WFDC8: variants seen among roughly 807,000 people sequenced by gnomAD.
The protein encoded by WFDC8 is WAP four-disulfide core domain protein 8.
In WFDC8, 24 loss-of-function variants were observed where a neutral mutation model predicts 27.0. That is an observed-to-expected ratio of 0.89 (90% CI 0.64 to 1.25). WFDC8 has a LOEUF of 1.25. Among genes scored for constraint, WFDC8 ranks in the 50% most tolerant of loss-of-function variants. The pLI, the probability that WFDC8 is intolerant of heterozygous loss-of-function variation, is 0.00. For synonymous variants in WFDC8, 106 were observed against 99.7 expected (o/e 1.06, Z -0.38); for missense variants, 287 against 295.9 (o/e 0.97, Z 0.22).
intron 4 of WFDC8, among the ~76,000 whole-genome samples, chr20:45,553,673 T>A (rs1354327138): frequency 6.6e-6 from 1 of 152,042 alleles, no homozygotes; most frequent in Non-Finnish European, 1.5e-5. Context: ...TTTGAAAGGG[T>A]CATTGTGACT....
chr20:45,574,454 T>TC (rs200715933), intron 1 of WFDC8, among the ~76,000 whole-genome samples: 2,087 of 146,766 alleles, frequency 0.014, 87 homozygotes, highest in Admixed American at 0.099. Context: ...GCAAAAATTC[T>TC]CAAAAAAAAA....
chr20:45,572,763 T>C (rs1980913864), intron 1 of WFDC8, among the ~76,000 whole-genome samples: 1 of 152,186 alleles, frequency 6.6e-6, no homozygotes, highest in Admixed American at 6.5e-5. Flanking sequence ...TGCGCCATCA[T>C]GCCCAGCTAA....
intron 1 of WFDC8, chr20:45,568,356 T>C (rs1980754039): frequency 8.2e-6 from 2 of 243,188 alleles, no homozygotes; most frequent in Admixed American, 4.6e-5. Flanking sequence ...CACTGTTATT[T>C]TTTTCTTGTA....
rs1980564756 is a variant in WFDC8, at chr20:45,564,205, AGACCTGGAATACTAGGAC to A, written c.27-2004_27-1987del. Among the ~76,000 whole-genome samples, 5 of 139,730 alleles carry A rather than the reference AGACCTGGAATACTAGGAC, an allele frequency of 3.6e-5. No individual in the cohort carries two copies. In the Admixed American group the frequency reaches 4.1e-4, roughly 11 times the overall value. 91.7% of individuals were successfully genotyped at this position (139,730 alleles called of 152,430 possible). On this transcript the variant is annotated intron_variant, in intron 1 of 5. Transcript: ENST00000289953. ...AGTGGGGGCTCTGAAGAACTAGGACAGACCTGGAATACTAGGACAGACCTGGAATACTAGGACAGACCT... is the reference window on the plus strand; with the variant it reads ...AGTGGGGGCTCTGAAGAACTAGGACAAGACCTGGAATACTAGGACAGACCT...
At chr20:45,570,086 C>A (rs532223830) in intron 1 of WFDC8, among the ~76,000 whole-genome samples, 1 of 152,130 alleles carries the variant, frequency 6.6e-6, no homozygotes, top group East Asian at 1.9e-4. Context: ...CTAATGAGTA[C>A]TAGGCTTAAT....
At chr20:45,564,640 A>C (rs1980583151) in intron 1 of WFDC8, among the ~76,000 whole-genome samples, 1 of 149,056 alleles carries the variant, frequency 6.7e-6, no homozygotes, top group Non-Finnish European at 1.5e-5. Context: ...CCGCCACTGC[A>C]CTCCAGCCTG....
At chr20:45,573,921 CT>C (rs1480130730) in intron 1 of WFDC8, among the ~76,000 whole-genome samples, 1 of 152,082 alleles carries the variant, frequency 6.6e-6, no homozygotes, top group Non-Finnish European at 1.5e-5. Context: ...ATTGCTACAG[CT>C]TTGTAGTATA....
chr20:45,560,094 A>C (rs1600890259), intron 2 of WFDC8, among the ~76,000 whole-genome samples: 2 of 152,202 alleles, frequency 1.3e-5, no homozygotes, highest in Non-Finnish European at 2.9e-5. Flanking sequence ...TCTGGCCCAG[A>C]CCTAGTCAAT....
chr20:45,555,242 A>G lies in WFDC8; in HGVS notation c.445+459T>C, dbSNP rs948649841. ...CTGGTGATGATCATTATACTAAGGA[A>G]TGAATCCACAGCCTTCACCTTCACC... is the stretch of plus-strand genomic sequence containing the variant. On this transcript the variant is annotated intron_variant, in intron 4 of 5. Coordinates refer to ENST00000289953, the MANE Select transcript of WFDC8 (RefSeq NM_130896.3). Among the ~76,000 whole-genome samples, 8 of 152,242 alleles carry G rather than the reference A, an allele frequency of 5.3e-5. No homozygotes were observed. In the South Asian group the frequency reaches 1.7e-3, roughly 32 times the overall value.
In WFDC8 at chr20:45,551,841, G is replaced by A. The variant is rs1980044629; in HGVS notation, c.*185C>T. The stretch of plus-strand genomic sequence containing the variant: ...GAAGACAAGAAAATAAAGTCATGAA[G>A]TTGAAAAAAAGCCAAATATATCATC... On this transcript the variant is annotated 3_prime_UTR_variant, in exon 6 of 6. Coordinates refer to ENST00000289953, the MANE Select transcript of WFDC8 (RefSeq NM_130896.3). 7.9e-6 allele frequency: 5 copies of A among 632,572 alleles called. No individual in the cohort carries two copies. In the East Asian group the frequency reaches 1.5e-4, roughly 19 times the overall value. 39.2% of individuals were successfully genotyped at this position (632,572 alleles called of 1,614,324 possible). A position where few individuals can be genotyped will look rare whatever the true frequency, so the allele number is the denominator to read the frequency against.
Position 45,553,162 on chromosome 20 carries a change from C to G in WFDC8, c.560G>C (p.Gly187Ala). The G allele has an allele frequency of 6.2e-7, 1 of 1,613,582 alleles. No homozygotes were observed. ...TGTCCAGGCCCTGGCACAAACAAAGCCACACCTGGATTCACAACATTTGTC... is the reference window on the plus strand; with the variant it reads ...TGTCCAGGCCCTGGCACAAACAAAGGCACACCTGGATTCACAACATTTGTC... ...QTDKCCESRC[G>A]FVCARAWTVK... The change falls in exon 5 of 6, where the codon GGC becomes GCC. Residue 187 changes from glycine (G) to alanine (A), a missense_variant. Gly to Ala is a moderately conservative substitution (Grantham distance 60). Transcript: ENST00000289953.
chr20:45,558,376 G>A (rs911298336), intron 3 of WFDC8, among the ~76,000 whole-genome samples: 21 of 152,074 alleles, frequency 1.4e-4, no homozygotes, highest in African/African-American at 4.1e-4. Flanking sequence ...TTGTTCAAAG[G>A]GCATTAACAA....
Position 45,560,452 on chromosome 20 carries a change from G to T in WFDC8, c.137-1460C>A, listed in dbSNP as rs115071902. ...TGACCCACAGATAATTTGTTACGTA[G>T]CAAAGGATAGCTCATACAGCGCTTA... On this transcript the variant is annotated intron_variant, in intron 2 of 5. Coordinates refer to ENST00000289953, the MANE Select transcript of WFDC8 (RefSeq NM_130896.3). 6.1e-3 allele frequency among the ~76,000 whole-genome samples: 933 copies of T among 152,310 alleles called. 9 individuals carry two copies. Among genetic ancestry groups the T allele is most frequent in the African/African-American group, 0.022 (900 of 41,570 alleles).
At chr20:45,572,255 G>T (rs1980894325) in intron 1 of WFDC8, among the ~76,000 whole-genome samples, 1 of 152,006 alleles carries the variant, frequency 6.6e-6, no homozygotes, top group South Asian at 2.1e-4. Flanking sequence ...AAAGTAGCCG[G>T]GCGTGGTGGC....
intron 1 of WFDC8, among the ~76,000 whole-genome samples, chr20:45,575,133 C>T (rs965505642): frequency 2.6e-5 from 4 of 152,120 alleles, no homozygotes; most frequent in African/African-American, 7.2e-5. Flanking sequence ...CCAATTTCTA[C>T]CACTTTTAAT....
chr20:45,567,440 T>A (rs6032329), intron 1 of WFDC8, among the ~76,000 whole-genome samples: 58,312 of 151,934 alleles, frequency 0.38, 11,662 homozygotes, highest in Non-Finnish European at 0.43. Context: ...ATGTGAAAAT[T>A]CCAGAATTCA....
At chr20:45,577,265 T>C (rs1376698282) in intron 1 of WFDC8, among the ~76,000 whole-genome samples, 2 of 151,428 alleles carry the variant, frequency 1.3e-5, no homozygotes, top group African/African-American at 4.8e-5. Context: ...TGCTGTCAAG[T>C]GTCCTAAGAG....
chr20:45,561,855 T>C (rs938390278), intron 2 of WFDC8, among the ~76,000 whole-genome samples: 4 of 152,004 alleles, frequency 2.6e-5, no homozygotes, highest in Non-Finnish European at 5.9e-5. Flanking sequence ...TCTCTGGGGA[T>C]CATCCCTAGT....
At position 45,555,508 on chromosome 20, in the gene WFDC8, T is replaced by C. The variant is rs140054643; in HGVS notation, c.445+193A>G. On this transcript the variant is annotated intron_variant, in intron 4 of 5. Transcript: ENST00000289953. ...CCACTCCATTAGGTAAATACTATTA[T>C]TAACCTCATTCTATAGACAAGGAAA... Among the ~76,000 whole-genome samples, 24 of 152,322 alleles carry C rather than the reference T, an allele frequency of 1.6e-4. No homozygotes were observed. In the East Asian group the frequency reaches 2.9e-3, roughly 18 times the overall value.
Sources: allele counts gnomAD v4.1 joint callset (sites outside exome capture counted in the v4.1 genomes callset), GRCh38; gene constraint gnomAD v4.1.1; transcripts MANE v1.5; gene names NCBI Gene and HGNC (gene_info 2026-07-23, HGNC 2026-07-21).